Variants in OR51C1 observed in about 807,000 individuals in gnomAD.
The protein encoded by OR51C1 is olfactory receptor family 51 subfamily C member 1.
chr11:4,695,046 C>A, the OR51C1 span, among the ~76,000 whole-genome samples: 1 of 151,998 alleles, frequency 6.6e-6, no homozygotes, highest in Admixed American at 6.6e-5. Context: ...AGGGGTATAT[C>A]GAAGTCTTAA....
At chr11:4,694,967 G>A in the OR51C1 span, among the ~76,000 whole-genome samples, 20,786 of 152,074 alleles carry the variant, frequency 0.14, 1,777 homozygotes, top group East Asian at 0.31. Context: ...TTGCAGTGCC[G>A]TTGATAAAAT....
At chr11:4,690,735 T>C in the OR51C1 span, 10 of 382,024 alleles carry the variant, frequency 2.6e-5, no homozygotes, top group Admixed American at 3.4e-4. Flanking sequence ...GAGGGGTCCA[T>C]CTAGTGCTAG....
At chr11:4,695,922 C>T in the OR51C1 span, among the ~76,000 whole-genome samples, 1 of 152,128 alleles carries the variant, frequency 6.6e-6, no homozygotes, top group Non-Finnish European at 1.5e-5. Context: ...TGGTTATTCT[C>T]ATGGCTTTAA....
chr11:4,691,400 G>A, the OR51C1 span: 1 of 457,862 alleles, frequency 2.2e-6, no homozygotes, highest in Non-Finnish European at 4.4e-6. Flanking sequence ...AGAACATGTG[G>A]GACAAGCAGG....
At chr11:4,696,532 T>C in the OR51C1 span, among the ~76,000 whole-genome samples, 1 of 152,192 alleles carries the variant, frequency 6.6e-6, no homozygotes, top group Non-Finnish European at 1.5e-5. Context: ...TATTATTTCA[T>C]TGCATTTTTC....
At chr11:4,697,296 G>A in the OR51C1 span, among the ~76,000 whole-genome samples, 17,199 of 152,178 alleles carry the variant, frequency 0.11, 1,311 homozygotes, top group Middle Eastern at 0.18. Flanking sequence ...CAGGATATGC[G>A]CTGTGTCTAA....
chr11:4,694,565 CAT>C, the OR51C1 span, among the ~76,000 whole-genome samples: 197 of 137,222 alleles, frequency 1.4e-3, 1 homozygote, highest in Admixed American at 1.6e-3. Flanking sequence ...CACACACATA[CAT>C]ATATATATAC....
the OR51C1 span, chr11:4,697,672 G>A: frequency 6.6e-5 from 10 of 152,556 alleles, no homozygotes; most frequent in South Asian, 2.1e-4. Context: ...ACAGCAGTTC[G>A]GCCTGTTCCT....
the OR51C1 span, among the ~76,000 whole-genome samples, chr11:4,695,736 C>T: frequency 6.6e-6 from 1 of 151,782 alleles, no homozygotes; most frequent in African/African-American, 2.4e-5. Context: ...CTCCTTGAAA[C>T]TTTCTCCTTC....
the OR51C1 span, among the ~76,000 whole-genome samples, chr11:4,691,989 C>T: frequency 6.6e-6 from 1 of 152,168 alleles, no homozygotes; most frequent in Non-Finnish European, 1.5e-5. Flanking sequence ...TCTGATCGTT[C>T]TAGCCATAGA....
the OR51C1 span, chr11:4,692,181 G>T: frequency 2.2e-6 from 1 of 452,634 alleles, no homozygotes; most frequent in African/African-American, 2.0e-5. Context: ...GGAAAGCAGA[G>T]AAGCTTACAG....
At chr11:4,693,160 C>G in the OR51C1 span, among the ~76,000 whole-genome samples, 2 of 152,144 alleles carry the variant, frequency 1.3e-5, no homozygotes, top group Admixed American at 6.6e-5. Context: ...TGATAATTAG[C>G]TTGATTTGGT....
the OR51C1 span, among the ~76,000 whole-genome samples, chr11:4,696,585 G>A: frequency 6.6e-6 from 1 of 152,076 alleles, no homozygotes; most frequent in Non-Finnish European, 1.5e-5. Flanking sequence ...AAGACAAGAG[G>A]GGGACTAATG....
the OR51C1 span, among the ~76,000 whole-genome samples, chr11:4,691,964 T>A: frequency 1.3e-5 from 2 of 152,334 alleles, no homozygotes; most frequent in South Asian, 4.1e-4. Context: ...TATGTTTATA[T>A]CATGTGACCA....
chr11:4,690,550 CT>C, the OR51C1 span: 1 of 245,978 alleles, frequency 4.1e-6, no homozygotes, highest in African/African-American at 2.3e-5. Flanking sequence ...CTGTTCATCT[CT>C]TCCATCCCAT....
the OR51C1 span, among the ~76,000 whole-genome samples, chr11:4,695,661 A>G: frequency 6.6e-6 from 1 of 152,176 alleles, no homozygotes; most frequent in African/African-American, 2.4e-5. Flanking sequence ...TGCCAAGTCC[A>G]AAAGTTTAAT....
the OR51C1 span, chr11:4,690,680 G>GT: frequency 1.2e-5 from 4 of 329,714 alleles, no homozygotes; most frequent in East Asian, 8.2e-5. Context: ...TTCTTTGGTT[G>GT]TTTTTTGTTT....
the OR51C1 span, chr11:4,691,517 G>C: frequency 1.5e-5 from 7 of 456,916 alleles, no homozygotes; most frequent in South Asian, 1.1e-4. Flanking sequence ...AGAGGAAATA[G>C]TACATTGGTT....
chr11:4,694,937 A>T, the OR51C1 span, among the ~76,000 whole-genome samples: 2 of 152,150 alleles, frequency 1.3e-5, no homozygotes, highest in Admixed American at 1.3e-4. Flanking sequence ...ATAAGGATGA[A>T]AAACAGGGGA....
Sources: allele counts gnomAD v4.1 joint callset (sites outside exome capture counted in the v4.1 genomes callset), GRCh38; gene constraint gnomAD v4.1.1; transcripts MANE v1.5; gene names NCBI Gene and HGNC (gene_info 2026-07-23, HGNC 2026-07-21).